The following TUBGCP5 variants were observed in gnomAD, a reference collection of about 807,000 sequenced individuals.
TUBGCP5 encodes tubulin gamma complex component 5, also known as gamma-tubulin complex component 5.
TUBGCP5 carries 98 observed loss-of-function variants against 134.7 expected under a neutral mutation model. The ratio of observed to expected loss-of-function variants is 0.73; its 90% CI spans 0.62 to 0.86. The LOEUF is 0.86. Ranked by LOEUF, TUBGCP5 falls within the 40% of genes least tolerant of loss-of-function variation. The pLI is 0.00. For missense variants in TUBGCP5, 1,150 were observed against 1,244.8 expected, an observed-to-expected ratio of 0.92 and a Z score of 1.15; for synonymous variants, 456 against 431.4, an observed-to-expected ratio of 1.06 and a Z score of -0.71.
chr15:23,020,005 A>G (rs1051605502), intron 11 of TUBGCP5, among the ~76,000 whole-genome samples: 1 of 150,270 alleles, frequency 6.7e-6, no homozygotes, highest in African/African-American at 2.4e-5. Context: ...TTGGCTGGGC[A>G]TGGTGGCTCA....
At chr15:22,988,418 C>G (rs1238154142) in intron 23 of TUBGCP5, among the ~76,000 whole-genome samples, 3 of 151,828 alleles carry the variant, frequency 2.0e-5, no homozygotes, top group Admixed American at 2.0e-4. Context: ...TTCCAGCCCC[C>G]AGAACTTGAA....
At chr15:23,004,943 G>A (rs757733291) in intron 19 of TUBGCP5, among the ~76,000 whole-genome samples, 20 of 152,160 alleles carry the variant, frequency 1.3e-4, no homozygotes, top group Non-Finnish European at 2.5e-4. Context: ...ATTTCTGAAC[G>A]CTTCTTTTAG....
rs570985976 is a variant in TUBGCP5, at chr15:23,001,656, T to TC, written c.2928-988_2928-987insG. Reference sequence around the variant, plus strand: ...CTGTGCTCGGCTTTCTTTCTTTCTTTTTTTTTTTTTTAAAGAAATATCAAA... The same window carrying TC: ...CTGTGCTCGGCTTTCTTTCTTTCTTTCTTTTTTTTTTTAAAGAAATATCAAA... On this transcript the variant is annotated intron_variant, in intron 21 of 22. Coordinates refer to ENST00000615383, the MANE Select transcript of TUBGCP5 (RefSeq NM_052903.6). Among the ~76,000 whole-genome samples the TC allele has an allele frequency of 6.4e-3, 901 of 140,378 alleles. 4 individuals are homozygous for TC. Among genetic ancestry groups the TC allele is most frequent in the African/African-American group, 0.026 (849 of 32,098 alleles). The allele number at this position is 140,378 out of a possible 152,430, so 92.1% of individuals were successfully genotyped here. A position where few individuals can be genotyped will look rare whatever the true frequency, so the allele number is the denominator to read the frequency against.
At chr15:23,000,819 TA>T (rs2064331591) in intron 21 of TUBGCP5, 150 bp from the exon 22 acceptor site, 1 of 602,164 alleles carries the variant, frequency 1.7e-6, no homozygotes, top group Non-Finnish European at 2.7e-6. Context: ...CATAACGTCC[TA>T]CCCTACTTTA....
intron 1 of TUBGCP5, 70 bp downstream of exon 1, chr15:23,039,328 G>A (rs1465913664): frequency 2.0e-5 from 25 of 1,248,562 alleles, no homozygotes; most frequent in South Asian, 9.8e-5. Flanking sequence ...CCCCGACCCC[G>A]GGCTGTGCGG....
intron 20 of TUBGCP5, among the ~76,000 whole-genome samples, 156 bp from the exon 21 acceptor site, chr15:23,003,309 A>G (rs555057507): frequency 6.6e-6 from 1 of 152,344 alleles, no homozygotes; most frequent in Non-Finnish European, 1.5e-5. Flanking sequence ...AACCATGCCC[A>G]TTTGGGACCA....
At chr15:23,024,902 A>ATTTTT in intron 8 of TUBGCP5, 72 bp from the exon 9 acceptor site, 1 of 717,408 alleles carries the variant, frequency 1.4e-6, no homozygotes, top group Non-Finnish European at 2.3e-6. Context: ...TGCCCAGGAC[A>ATTTTT]TTTTTTTTTT....
chr15:23,029,639 G>A (rs1037511756), intron 6 of TUBGCP5, among the ~76,000 whole-genome samples: 4 of 151,862 alleles, frequency 2.6e-5, no homozygotes, highest in South Asian at 2.1e-4. Flanking sequence ...ATCCCCGCAC[G>A]TTGGGAGGCA....
intron 23 of TUBGCP5, among the ~76,000 whole-genome samples, chr15:22,990,104 C>A (rs1205626230): frequency 6.6e-6 from 1 of 152,218 alleles, no homozygotes; most frequent in African/African-American, 2.4e-5. Flanking sequence ...CACTCACAGG[C>A]AGATTCCTCT....
rs1238603479 is a variant in TUBGCP5 at position 23,026,120 on chromosome 15, G to A, written c.823C>T (p.Leu275=). The change falls in exon 8 of 23, where the codon CTA becomes TTA. Residue 275 remains leucine, a synonymous_variant. Coordinates refer to ENST00000615383, the MANE Select transcript of TUBGCP5 (RefSeq NM_052903.6). ...VTETQVIRET[L]WLLSGVKKLF... ...AATTAAATGAACATTTCTTACCATA[G>A]GGTTTCCCGAATAACCTGAGTCTCA... is the stretch of plus-strand genomic sequence containing the variant. 1 of 1,606,050 alleles carries A rather than the reference G, an allele frequency of 6.2e-7. No homozygotes were observed. Among genetic ancestry groups the A allele is most frequent in the South Asian group, 1.1e-5 (1 of 89,090 alleles).
At chr15:23,032,408 C>A (rs1248560476) in intron 4 of TUBGCP5, among the ~76,000 whole-genome samples, 2 of 152,080 alleles carry the variant, frequency 1.3e-5, no homozygotes, top group Non-Finnish European at 2.9e-5. Flanking sequence ...CTCTAGATTA[C>A]TTATAATACC....
chr15:22,990,659 T>C (rs2063818275), intron 23 of TUBGCP5, among the ~76,000 whole-genome samples: 1 of 152,132 alleles, frequency 6.6e-6, no homozygotes, highest in South Asian at 2.1e-4. Flanking sequence ...ATTTCTCCTG[T>C]TTAGAGCCAC....
chr15:23,011,130 C>T lies in TUBGCP5; in HGVS notation c.1955+3G>A. 2 of 1,613,100 alleles carry T rather than the reference C, an allele frequency of 1.2e-6. No individual in the cohort carries two copies. The highest frequency in any genetic ancestry group is 1.7e-6 in the Non-Finnish European group (2 of 1,179,452). On this transcript the variant is annotated splice_donor_region_variant and intron_variant, in intron 14 of 22. Coordinates refer to ENST00000615383, the MANE Select transcript of TUBGCP5 (RefSeq NM_052903.6). ...TACTGATAACCTTGCAGGTGTGTCT[C>T]ACCTTGCAAAGTTAATGGCAAGCAG...
chr15:23,008,559 C>T (rs2064856581), intron 16 of TUBGCP5, 140 bp downstream of exon 16: 1 of 1,142,268 alleles, frequency 8.8e-7, no homozygotes, highest in Non-Finnish European at 1.3e-6. Flanking sequence ...TGCCTGGCCT[C>T]CATTTTCTAA....
In TUBGCP5 at chr15:23,005,532, G is replaced by A. The variant is rs2062177583; in HGVS notation, c.2612C>T (p.Pro871Leu). ...HEQDTVAQFG[P>L]QKEPVRQQIH... is the part of the protein sequence containing the mutation. ...CTGCTGTCTTACTGGTTCTTTTTGTGGTCCGAACTGAGCAACTGTGTCTTG... is the reference window on the plus strand; with the variant it reads ...CTGCTGTCTTACTGGTTCTTTTTGTAGTCCGAACTGAGCAACTGTGTCTTG... The change falls in exon 19 of 23, where the codon CCA becomes CTA. Residue 871 changes from proline to leucine, a missense_variant. Coordinates refer to ENST00000615383, the MANE Select transcript of TUBGCP5 (RefSeq NM_052903.6). 3.7e-6 allele frequency: 6 copies of A among 1,614,018 alleles called. No homozygotes were observed. The highest frequency in any genetic ancestry group is 2.2e-5 in the East Asian group (1 of 44,896).
intron 3 of TUBGCP5, among the ~76,000 whole-genome samples, chr15:23,035,012 A>G (rs2066505129): frequency 6.6e-6 from 1 of 152,088 alleles, no homozygotes; most frequent in Non-Finnish European, 1.5e-5. Context: ...GGTCATCACT[A>G]CTGATCCCAC....
intron 6 of TUBGCP5, among the ~76,000 whole-genome samples, chr15:23,030,211 G>A (rs926928901): frequency 6.6e-6 from 1 of 151,914 alleles, no homozygotes; most frequent in African/African-American, 2.4e-5. Context: ...AAAAAGAAAA[G>A]GAGCCAAGTG....
chr15:23,036,781 G>T, intron 3 of TUBGCP5, 116 bp downstream of exon 3: 1 of 744,234 alleles, frequency 1.3e-6, no homozygotes, highest in South Asian at 2.0e-5. Flanking sequence ...AAGAGATCCC[G>T]TTAGCCAGTA....
At chr15:22,988,667 C>T (rs556305697) in intron 23 of TUBGCP5, among the ~76,000 whole-genome samples, 124 of 148,800 alleles carry the variant, frequency 8.3e-4, no homozygotes, top group Non-Finnish European at 1.6e-3. Context: ...ACCTAGGAGG[C>T]AGAGCTTGCA....
Sources: gnomAD v4.1 joint callset for allele counts (sites outside exome capture counted in the v4.1 genomes callset) on GRCh38, gnomAD v4.1.1 for gene constraint, MANE v1.5 for transcripts, NCBI Gene and HGNC (gene_info 2026-07-23, HGNC 2026-07-21) for gene names.